Variants in ENOX1 observed in about 807,000 individuals in gnomAD.
ENOX1 encodes ecto-NOX disulfide-thiol exchanger 1.
ENOX1 carries 42 observed loss-of-function variants against 82.5 expected under a neutral mutation model. The observed-to-expected ratio is 0.51, with a 90% CI of 0.40 to 0.66. The LOEUF is 0.66. ENOX1 is among the 30% of genes least tolerant of loss of function. ENOX1 has a pLI of 0.00. For missense variants in ENOX1, 608 were observed against 811.6 expected (o/e 0.75, Z 3.05); for synonymous variants, 271 against 282.2 (o/e 0.96, Z 0.40).
At chr13:43,395,544 G>GT (rs1164898726) in intron 5 of ENOX1, among the ~76,000 whole-genome samples, 1 of 152,076 alleles carries the variant, frequency 6.6e-6, no homozygotes, top group Non-Finnish European at 1.5e-5. Flanking sequence ...CAAAACCAGC[G>GT]TGAGATATTA....
At chr13:43,761,125 C>T (rs1227878315) in intron 1 of ENOX1, among the ~76,000 whole-genome samples, 1 of 151,918 alleles carries the variant, frequency 6.6e-6, no homozygotes, top group Non-Finnish European at 1.5e-5. Flanking sequence ...GTCTTCCTGC[C>T]TTCCTGTCCT....
At position 43,282,423 on chromosome 13, in the gene ENOX1, GAGTT is replaced by G. The variant is rs541956272; in HGVS notation, c.1447-12850_1447-12847del. On this transcript the variant is annotated intron_variant, in intron 12 of 16. Coordinates refer to ENST00000690772, the MANE Select transcript of ENOX1 (RefSeq NM_001347969.2). ...TGTCTTCCTTTTGTGTTCTCTGAATGAGTTAGTTAAAGATTGGTATTCTTTTTTC... is the reference window on the plus strand; with the variant it reads ...TGTCTTCCTTTTGTGTTCTCTGAATGAGTTAAAGATTGGTATTCTTTTTTC... Among the ~76,000 whole-genome samples, 16 of 151,434 alleles carry G rather than the reference GAGTT, an allele frequency of 1.1e-4. No individual in the cohort carries two copies. In the East Asian group the frequency reaches 3.1e-3, roughly 29 times the overall value.
chr13:43,295,617 CCAAA>C (rs755993989), intron 12 of ENOX1, among the ~76,000 whole-genome samples: 4 of 152,094 alleles, frequency 2.6e-5, no homozygotes, highest in Non-Finnish European at 4.4e-5. Context: ...AAATAATTTC[CCAAA>C]CATAGACTGG....
At chr13:43,778,050 A>G (rs956519550) in intron 1 of ENOX1, among the ~76,000 whole-genome samples, 5 of 152,158 alleles carry the variant, frequency 3.3e-5, no homozygotes, top group Non-Finnish European at 5.9e-5. Flanking sequence ...ACCACTTCTT[A>G]TAATTTGGTC....
At chr13:43,320,301 C>T (rs146718789) in intron 11 of ENOX1, among the ~76,000 whole-genome samples, 25 of 152,306 alleles carry the variant, frequency 1.6e-4, no homozygotes, top group Middle Eastern at 3.4e-3. Context: ...ATTTGAACTC[C>T]GGTTCTTTCA....
At chr13:43,568,688 G>GCTT (rs2080029258) in intron 2 of ENOX1, among the ~76,000 whole-genome samples, 1 of 147,560 alleles carries the variant, frequency 6.8e-6, no homozygotes, top group African/African-American at 2.5e-5. Context: ...CAACTCCAGA[G>GCTT]TTTTTTTTTT....
chr13:43,596,371 CT>C (rs1307314251), intron 2 of ENOX1, among the ~76,000 whole-genome samples: 1 of 152,214 alleles, frequency 6.6e-6, no homozygotes, highest in East Asian at 1.9e-4. Context: ...GGAAATAATA[CT>C]CATATGTAGA....
intron 5 of ENOX1, among the ~76,000 whole-genome samples, chr13:43,393,995 T>C (rs561149568): frequency 6.6e-6 from 1 of 152,160 alleles, no homozygotes; most frequent in Non-Finnish European, 1.5e-5. Flanking sequence ...TTGTTCCCTC[T>C]CTTGCTATGT....
intron 1 of ENOX1, among the ~76,000 whole-genome samples, chr13:43,781,633 C>G (rs1225092078): frequency 6.6e-6 from 1 of 152,052 alleles, no homozygotes; most frequent in Non-Finnish European, 1.5e-5. Flanking sequence ...CCTGCCTCAG[C>G]CCCCCGAGTA....
chr13:43,647,653 T>C (rs1462919145), intron 2 of ENOX1, among the ~76,000 whole-genome samples: 1 of 152,166 alleles, frequency 6.6e-6, no homozygotes, highest in Non-Finnish European at 1.5e-5. Flanking sequence ...ATACCCCCTT[T>C]GTGAATAAAT....
At chr13:43,259,560 G>A (rs377038472) in intron 14 of ENOX1, among the ~76,000 whole-genome samples, 2 of 152,052 alleles carry the variant, frequency 1.3e-5, no homozygotes, top group Non-Finnish European at 2.9e-5. Context: ...CCTCTGCCTC[G>A]TGAGTCCCAG....
At chr13:43,278,567 G>A (rs568273616) in intron 12 of ENOX1, among the ~76,000 whole-genome samples, 2 of 152,196 alleles carry the variant, frequency 1.3e-5, no homozygotes, top group South Asian at 2.1e-4. Context: ...ATATGTTTAC[G>A]TTTCAGTATT....
intron 2 of ENOX1, among the ~76,000 whole-genome samples, chr13:43,666,937 T>C (rs1309285567): frequency 6.6e-6 from 1 of 152,162 alleles, no homozygotes; most frequent in African/African-American, 2.4e-5. Context: ...ATGGGGACTG[T>C]TTAATCCTCT....
intron 1 of ENOX1, among the ~76,000 whole-genome samples, chr13:43,702,057 G>C (rs749603685): frequency 1.3e-5 from 2 of 152,020 alleles, no homozygotes; most frequent in Admixed American, 1.3e-4. Context: ...CTATAATTCT[G>C]TCCTTTCAAG....
At chr13:43,588,474 A>G (rs9567221) in intron 2 of ENOX1, among the ~76,000 whole-genome samples, 50,318 of 152,056 alleles carry the variant, frequency 0.33, 9,023 homozygotes, top group East Asian at 0.5. Context: ...ATAACCCTTA[A>G]AAAAATAATG....
intron 1 of ENOX1, among the ~76,000 whole-genome samples, chr13:43,710,822 T>A (rs972782505): frequency 1.3e-5 from 2 of 150,976 alleles, no homozygotes; most frequent in African/African-American, 4.9e-5. Context: ...GAAACAATAA[T>A]CAAGTAGAAA....
chr13:43,604,036 C>A lies in ENOX1; in HGVS notation c.-219+63443G>T, dbSNP rs1057156664. Among the ~76,000 whole-genome samples the A allele has an allele frequency of 1.6e-3, 242 of 149,924 alleles. 1 individual carries two copies. The highest frequency in any genetic ancestry group is 3.4e-3 in the Middle Eastern group (1 of 294). On this transcript the variant is annotated intron_variant, in intron 2 of 16. Transcript: ENST00000690772. The stretch of plus-strand genomic sequence containing the variant: ...AAAAGTGTTCCTATTTCTCCACATC[C>A]TCTCCAGCACCTGTTGTTTCCTGAC...
chr13:43,462,288 C>T (rs559885024), intron 3 of ENOX1, among the ~76,000 whole-genome samples: 10 of 152,272 alleles, frequency 6.6e-5, no homozygotes, highest in South Asian at 2.1e-4. Context: ...AGAATTTCTG[C>T]GCCATTTGTC....
intron 2 of ENOX1, among the ~76,000 whole-genome samples, chr13:43,536,461 C>A (rs1205762585): frequency 6.6e-6 from 1 of 151,916 alleles, no homozygotes. Flanking sequence ...GCATGTAATA[C>A]AAAAATCCCA....
Sources: allele counts gnomAD v4.1 joint callset (sites outside exome capture counted in the v4.1 genomes callset), GRCh38; gene constraint gnomAD v4.1.1; transcripts MANE v1.5; gene names NCBI Gene and HGNC (gene_info 2026-07-23, HGNC 2026-07-21).